NBPF14: variants seen among roughly 807,000 people sequenced by gnomAD.
The protein encoded by NBPF14 is NBPF family member NBPF14.
NBPF14 carries 104 observed loss-of-function variants against 91.2 expected under a neutral mutation model. That is an observed-to-expected ratio of 1.14 (90% CI 0.97 to 1.34). NBPF14 has a LOEUF of 1.34. NBPF14 is among the 40% of genes most tolerant of loss of function. The pLI is 0.00. For synonymous variants in NBPF14, 294 were observed against 303.8 expected, an observed-to-expected ratio of 0.97 and a Z score of 0.34; for missense variants, 908 against 783.0, an observed-to-expected ratio of 1.16 and a Z score of -1.91.
At chr1:148,577,413 C>G (rs1259330002) in intron 14 of NBPF14, 58 bp from the exon 15 acceptor site, 1 of 657,364 alleles carries the variant, frequency 1.5e-6, no homozygotes. Flanking sequence ...CCACACAGCC[C>G]CAGCTAGATT....
At chr1:148,534,091 G>A (rs1183579540) in intron 69 of NBPF14, 122 bp from the exon 70 acceptor site, 1 of 581,592 alleles carries the variant, frequency 1.7e-6, no homozygotes, top group Non-Finnish European at 3.0e-6. Context: ...GACACTGTGA[G>A]AGATATATTT....
intron 59 of NBPF14, among the ~76,000 whole-genome samples, chr1:148,542,328 G>C (rs1411820901): frequency 9.7e-5 from 3 of 30,946 alleles, no homozygotes; most frequent in Non-Finnish European, 1.4e-4. Context: ...ATAGGATCAG[G>C]GCGCCACAGG....
intron 40 of NBPF14, among the ~76,000 whole-genome samples, chr1:148,557,063 C>A (rs1458168124): frequency 8.1e-6 from 1 of 123,626 alleles, no homozygotes; most frequent in Non-Finnish European, 1.6e-5. Context: ...CAGATAGACA[C>A]ACACACACAC....
chr1:148,535,057 A>G (rs1221368724), intron 68 of NBPF14, among the ~76,000 whole-genome samples: 3 of 145,594 alleles, frequency 2.1e-5, no homozygotes, highest in Admixed American at 1.4e-4. Flanking sequence ...AGGGAGAGGG[A>G]GAGAGAGAGA....
At chr1:148,561,867 C>G (rs1346476024) in intron 34 of NBPF14, among the ~76,000 whole-genome samples, 1 of 133,064 alleles carries the variant, frequency 7.5e-6, no homozygotes, top group East Asian at 2.1e-4. Context: ...GTGAATTGTC[C>G]AGGTGACACA....
intron 14 of NBPF14, among the ~76,000 whole-genome samples, chr1:148,577,589 CAG>C (rs1660110093): frequency 1.3e-5 from 2 of 150,004 alleles, no homozygotes; most frequent in Non-Finnish European, 2.9e-5. Context: ...CACACACACA[CAG>C]AGCGAGGTCA....
chr1:148,539,280 T>A (rs1460173715), intron 63 of NBPF14, 130 bp downstream of exon 63: 2 of 635,996 alleles, frequency 3.1e-6, no homozygotes, highest in African/African-American at 5.5e-5. Flanking sequence ...CTTTACAACC[T>A]ATATGCGCCC....
In NBPF14 at chr1:148,533,849, G is replaced by C. The variant is rs1434081265; in HGVS notation, c.8723+12C>G. 8.2e-5 allele frequency: 63 copies of C among 765,246 alleles called. No homozygotes were observed. Among genetic ancestry groups the C allele is most frequent in the South Asian group, 7.2e-4 (54 of 74,498 alleles). 47.4% of individuals were successfully genotyped at this position (765,246 alleles called of 1,614,324 possible). On this transcript the variant is annotated intron_variant, in intron 70 of 70. Coordinates refer to ENST00000619423, the Ensembl canonical transcript of NBPF14. ...AACACAGAACTAAGGATCCACAATT[G>C]CTGAAAGTCACCTGGGGCATGGTGG...
At chr1:148,594,890 G>T (rs1344947783) in intron 2 of NBPF14, among the ~76,000 whole-genome samples, 2 of 97,274 alleles carry the variant, frequency 2.1e-5, no homozygotes, top group Non-Finnish European at 3.7e-5. Flanking sequence ...TGGAGATGGG[G>T]TTTCTCCATG....
At chr1:148,592,741 G>T (rs1345788890) in exon 4 of NBPF14, 3 of 1,585,386 alleles carry the variant, frequency 1.9e-6, no homozygotes, top group Admixed American at 1.7e-5. Flanking sequence ...TCTCGTTCCT[G>T]AGAGTGAACC....
At chr1:148,560,811 T>A in intron 35 of NBPF14, 119 bp from the exon 36 acceptor site, 3 of 19,036 alleles carry the variant, frequency 1.6e-4, no homozygotes, top group South Asian at 1.2e-3. Flanking sequence ...TAGGACACTG[T>A]GAGAGATATA....
At chr1:148,591,376 C>A (rs1170826879) in intron 5 of NBPF14, 56 bp downstream of exon 5, 23,768 of 1,503,224 alleles carry the variant, frequency 0.016, 340 homozygotes, top group South Asian at 0.027. Context: ...GGGTGTGCCT[C>A]CTAGACATTT....
chr1:148,535,273 G>C (rs1320794047), intron 68 of NBPF14, among the ~76,000 whole-genome samples, 180 bp downstream of exon 68: 1 of 150,368 alleles, frequency 6.7e-6, no homozygotes, highest in Non-Finnish European at 1.5e-5. Context: ...GTGAGTAAAT[G>C]ATAAGGGGAG....
chr1:148,533,486 T>C (rs1320970664), intron 70 of NBPF14, among the ~76,000 whole-genome samples: 2 of 151,568 alleles, frequency 1.3e-5, no homozygotes, highest in African/African-American at 4.9e-5. Flanking sequence ...GAAAGTGACC[T>C]AGTGAATTGG....
chr1:148,590,057 T>C (rs2149576820), intron 6 of NBPF14, among the ~76,000 whole-genome samples: 1 of 122,470 alleles, frequency 8.2e-6, no homozygotes, highest in South Asian at 2.9e-4. Flanking sequence ...TTTTTTTTTT[T>C]TTTTTTTTTG....
Position 148,572,575 on chromosome 1 carries a change from A to C in NBPF14, c.2626T>G (p.Leu876Val), listed in dbSNP as rs1291927854. ...TAACATCTATCCAGTGAGTCCTGCA[A>C]GACTTCAGGCTCTTTCTCATCCAGC... Residue 876 changes from leucine (L) to valine (V), a missense_variant, in exon 21 of 71, where the codon TTG becomes GTG. Transcript: ENST00000619423. The C allele has an allele frequency of 6.2e-6, 4 of 647,410 alleles. 1 individual carries two copies. The highest frequency in any genetic ancestry group is 2.7e-5 in the East Asian group (1 of 37,032). 40.1% of individuals were successfully genotyped at this position (647,410 alleles called of 1,614,324 possible). A position where few individuals can be genotyped will look rare whatever the true frequency, so the allele number is the denominator to read the frequency against.
chr1:148,577,426 A>G, intron 14 of NBPF14, 71 bp from the exon 15 acceptor site: 1 of 662,642 alleles, frequency 1.5e-6, no homozygotes. Flanking sequence ...GCTAGATTTC[A>G]TGGCTAACGT....
chr1:148,575,893 A>C (rs1659604738), intron 16 of NBPF14, 82 bp from the exon 17 acceptor site: 11 of 303,604 alleles, frequency 3.6e-5, no homozygotes, highest in Non-Finnish European at 5.8e-6. Flanking sequence ...TGGCTAACAT[A>C]AGGAACTGTT....
rs1312288860 is a variant in NBPF14, at chr1:148,572,719, A to T, written c.2586-104T>A. 4 of 636,982 alleles carry T rather than the reference A, an allele frequency of 6.3e-6. 1 individual carries two copies. Among genetic ancestry groups the T allele is most frequent in the South Asian group, 3.1e-5 (2 of 64,364 alleles). The allele number at this position is 636,982 out of a possible 1,614,324, so 39.5% of individuals were successfully genotyped here. A position where few individuals can be genotyped will look rare whatever the true frequency, so the allele number is the denominator to read the frequency against. ...CGTAAGGAAGAGTTTGAAAAGAAAA[A>T]GGACAGATCCATTAATGAGGTAACA... On this transcript the variant is annotated intron_variant, in intron 20 of 70. Transcript: ENST00000619423.
Sources: allele counts gnomAD v4.1 joint callset (sites outside exome capture counted in the v4.1 genomes callset), GRCh38; gene constraint gnomAD v4.1.1; transcripts MANE v1.5; gene names NCBI Gene and HGNC (gene_info 2026-07-23, HGNC 2026-07-21).